SYK: variants seen among roughly 807,000 people sequenced by gnomAD.
SYK encodes spleen associated tyrosine kinase.
In SYK, 16 loss-of-function variants were observed where a neutral mutation model predicts 77.8. The ratio of observed to expected loss-of-function variants is 0.21; its 90% CI spans 0.14 to 0.31. SYK has a LOEUF of 0.31. Among genes scored for constraint, SYK ranks in the 10% least tolerant of loss-of-function variants. The probability of loss-of-function intolerance (pLI) is 1.00; values close to 1 mark genes in which losing one functional copy is unlikely to be tolerated. For synonymous variants in SYK, 312 were observed against 308.7 expected (o/e 1.01, Z -0.11); for missense variants, 529 against 814.4 (o/e 0.65, Z 4.26).
At position 90,864,574 on chromosome 9, in the gene SYK, T is replaced by C. The variant is rs1827401405; in HGVS notation, c.718-15T>C. ...ACCTTGGTATTTACCACTTTCTTAC[T>C]TTTTTCTCTTTCAGCTAGTCGAGCA... On this transcript the variant is annotated splice_polypyrimidine_tract_variant and intron_variant, in intron 4 of 13. Coordinates refer to ENST00000375754, the MANE Select transcript of SYK (RefSeq NM_003177.7). 6 of 1,611,740 alleles carry C rather than the reference T, an allele frequency of 3.7e-6. No homozygotes were observed. The highest frequency in any genetic ancestry group is 2.7e-5 in the African/African-American group (2 of 74,866).
intron 1 of SYK, among the ~76,000 whole-genome samples, chr9:90,842,150 G>A (rs1826386404): frequency 1.3e-5 from 2 of 151,440 alleles, no homozygotes; most frequent in Admixed American, 6.6e-5. Flanking sequence ...TGTGTGCAGT[G>A]TGTGTTGTTT....
chr9:90,840,708 A>G (rs1826274239), intron 1 of SYK, among the ~76,000 whole-genome samples: 1 of 152,238 alleles, frequency 6.6e-6, no homozygotes, highest in Admixed American at 6.5e-5. Context: ...ATACTTTAAA[A>G]AACAAAAACA....
At position 90,864,661 on chromosome 9, in the gene SYK, A is replaced by G; in HGVS notation, c.790A>G (p.Thr264Ala). ...VLTVPCQKIGTQGNVNFGGRP... is the reference protein window; with the variant it reads ...VLTVPCQKIGAQGNVNFGGRP... ...TACTGTCCCATGTCAAAAAATCGGC[A>G]CACAGGGTGAGTTCCCAAGACACTG... Residue 264 changes from threonine (T) to alanine (A), a missense_variant, in exon 5 of 14, where the codon ACA becomes GCA. By Grantham distance (58) the Thr-to-Ala change is moderately conservative. Coordinates refer to ENST00000375754, the MANE Select transcript of SYK (RefSeq NM_003177.7). The G allele has an allele frequency of 1.2e-6, 2 of 1,614,048 alleles. No individual in the cohort carries two copies. Among genetic ancestry groups the G allele is most frequent in the Non-Finnish European group, 1.7e-6 (2 of 1,179,880 alleles).
intron 11 of SYK, among the ~76,000 whole-genome samples, chr9:90,882,191 T>C (rs1319241377): frequency 6.6e-6 from 1 of 152,262 alleles, no homozygotes; most frequent in East Asian, 1.9e-4. Flanking sequence ...GTTTACTTTT[T>C]TCATCAGTTC....
intron 1 of SYK, among the ~76,000 whole-genome samples, chr9:90,807,290 G>C (rs1454916381): frequency 6.6e-6 from 1 of 152,196 alleles, no homozygotes; most frequent in African/African-American, 2.4e-5. Context: ...GCTTGGTAGA[G>C]GCAGAATGTT....
intron 1 of SYK, among the ~76,000 whole-genome samples, chr9:90,816,296 G>T (rs1469300896): frequency 6.6e-6 from 1 of 152,164 alleles, no homozygotes; most frequent in East Asian, 1.9e-4. Flanking sequence ...TGTTTAGAAG[G>T]CAGATAGCTG....
At chr9:90,840,566 A>AT (rs1329753283) in intron 1 of SYK, among the ~76,000 whole-genome samples, 2 of 151,710 alleles carry the variant, frequency 1.3e-5, no homozygotes, top group African/African-American at 4.8e-5. Context: ...AAAAAAAAAA[A>AT]AAAAAAAAAA....
At chr9:90,827,099 CAT>C (rs1359301020) in intron 1 of SYK, among the ~76,000 whole-genome samples, 1 of 152,006 alleles carries the variant, frequency 6.6e-6, no homozygotes, top group Non-Finnish European at 1.5e-5. Context: ...TTTAAAAAAA[CAT>C]AAAACAATCA....
At chr9:90,886,558 G>A (rs1012872489) in intron 11 of SYK, among the ~76,000 whole-genome samples, 1 of 152,030 alleles carries the variant, frequency 6.6e-6, no homozygotes, top group Non-Finnish European at 1.5e-5. Flanking sequence ...ACAAAAAATT[G>A]GCCAGGCCTG....
intron 1 of SYK, among the ~76,000 whole-genome samples, chr9:90,828,911 C>G (rs912467689): frequency 3.3e-5 from 5 of 152,318 alleles, no homozygotes; most frequent in Admixed American, 2.0e-4. Flanking sequence ...ACGTGGTCAA[C>G]TTGCCTCCCT....
chr9:90,828,891 C>T (rs1825775956), intron 1 of SYK, among the ~76,000 whole-genome samples: 1 of 152,192 alleles, frequency 6.6e-6, no homozygotes, highest in Non-Finnish European at 1.5e-5. Flanking sequence ...CTTGCTTTCG[C>T]TCACACTGAA....
chr9:90,861,842 C>T lies in SYK; in HGVS notation c.579-364C>T, dbSNP rs535498130. Among the ~76,000 whole-genome samples, 26 of 152,312 alleles carry T rather than the reference C, an allele frequency of 1.7e-4. 1 individual carries two copies. The highest frequency in any genetic ancestry group is 6.0e-4 in the African/African-American group (25 of 41,558). The stretch of plus-strand genomic sequence containing the variant: ...CAGTGCTCCACAGATAATCAGGGCC[C>T]GTGGTGCCCCTGTGCTCATCACCCT... On this transcript the variant is annotated intron_variant, in intron 3 of 13. Coordinates refer to ENST00000375754, the MANE Select transcript of SYK (RefSeq NM_003177.7).
chr9:90,874,719 C>G lies in SYK; in HGVS notation c.1051C>G (p.Pro351Ala), dbSNP rs780302699. 1 of 1,614,088 alleles carries G rather than the reference C, an allele frequency of 6.2e-7. No homozygotes were observed. The highest frequency in any genetic ancestry group is 8.5e-7 in the Non-Finnish European group (1 of 1,180,020). The change falls in exon 9 of 14, where the codon CCC becomes GCC. Residue 351 changes from proline to alanine, a missense_variant. Physicochemically the swap from Pro to Ala is conservative, Grantham distance 27 (BLOSUM62 -1). Coordinates refer to ENST00000375754, the MANE Select transcript of SYK (RefSeq NM_003177.7). ...CATGGACACAGAGGTGTACGAGAGC[C>G]CCTACGCGGACCCCGAGGAGATCAG... The part of the protein sequence containing the change: ...LPMDTEVYES[P>A]YADPEEIRPK...
At chr9:90,893,885 A>G (rs1828887545) in intron 13 of SYK, among the ~76,000 whole-genome samples, 1 of 152,196 alleles carries the variant, frequency 6.6e-6, no homozygotes, top group African/African-American at 2.4e-5. Context: ...GCCCGAAAGC[A>G]GAGTGGCAGG....
intron 11 of SYK, among the ~76,000 whole-genome samples, chr9:90,884,897 G>T (rs71494436): frequency 0.013 from 122 of 9,362 alleles, 11 homozygotes; most frequent in East Asian, 0.048. Flanking sequence ...ATATACATAT[G>T]CACATATGTG....
At position 90,898,048 on chromosome 9, in the gene SYK, T is replaced by C. The variant is rs1215881602; in HGVS notation, c.*2448T>C. The stretch of plus-strand genomic sequence containing the variant: ...CTCATACCCAGGCTGCCCCTTGGAT[T>C]GTTCTACCCAAGCTTTTCCCTGGGG... On this transcript the variant is annotated 3_prime_UTR_variant, in exon 14 of 14. Transcript: ENST00000375754. 3 of 228,002 alleles carry C rather than the reference T, an allele frequency of 1.3e-5. No homozygotes were observed. In the East Asian group the frequency reaches 1.9e-4, roughly 14 times the overall value. 14.1% of individuals were successfully genotyped at this position (228,002 alleles called of 1,614,324 possible).
At chr9:90,890,329 G>A (rs568843890) in intron 13 of SYK, among the ~76,000 whole-genome samples, 2 of 152,328 alleles carry the variant, frequency 1.3e-5, no homozygotes, top group African/African-American at 4.8e-5. Flanking sequence ...ATGGACGCAC[G>A]TAACAGTGGG....
chr9:90,877,251 C>T (rs1014572217), intron 9 of SYK, among the ~76,000 whole-genome samples: 2 of 152,174 alleles, frequency 1.3e-5, no homozygotes, highest in African/African-American at 2.4e-5. Context: ...CTATGTTGCC[C>T]AGGCTGACCT....
Position 90,884,346 on chromosome 9 carries a change from TACAC to T in SYK, c.1582-3401_1582-3398del, listed in dbSNP as rs1270299009. ...ACACATACGTGTATATATACACACA[TACAC>T]ATACGTGTATACATACATACACACA... On this transcript the variant is annotated intron_variant, in intron 11 of 13. Coordinates refer to ENST00000375754, the MANE Select transcript of SYK (RefSeq NM_003177.7). Among the ~76,000 whole-genome samples, 92 of 119,398 alleles carry T rather than the reference TACAC, an allele frequency of 7.7e-4. 2 individuals carry two copies. Among genetic ancestry groups the T allele is most frequent in the Middle Eastern group, 8.6e-3 (2 of 232 alleles). 78.3% of individuals were successfully genotyped at this position (119,398 alleles called of 152,430 possible). A position where few individuals can be genotyped will look rare whatever the true frequency, so the allele number is the denominator to read the frequency against.
Sources: allele counts gnomAD v4.1 joint callset (sites outside exome capture counted in the v4.1 genomes callset), GRCh38; gene constraint gnomAD v4.1.1; transcripts MANE v1.5; gene names NCBI Gene and HGNC (gene_info 2026-07-23, HGNC 2026-07-21).